Variants in DLGAP1 observed in about 807,000 individuals in gnomAD.
The protein encoded by DLGAP1 is DLG associated protein 1.
DLGAP1 carries 11 observed loss-of-function variants against 90.8 expected under a neutral mutation model. That is an observed-to-expected ratio of 0.12 (90% CI 0.08 to 0.20). The LOEUF is 0.20. Among genes scored for constraint, DLGAP1 ranks in the 10% least tolerant of loss-of-function variants. The probability of loss-of-function intolerance (pLI) is 1.00; values close to 1 mark genes in which losing one functional copy is unlikely to be tolerated. For missense variants in DLGAP1, 1,050 were observed against 1,333.8 expected (o/e 0.79, Z 3.31); for synonymous variants, 558 against 540.7 (o/e 1.03, Z -0.44).
At chr18:4,191,029 T>C (rs979997394) in intron 1 of DLGAP1, among the ~76,000 whole-genome samples, 1 of 152,112 alleles carries the variant, frequency 6.6e-6, no homozygotes, top group Non-Finnish European at 1.5e-5. Context: ...AGAGAAAGTA[T>C]CTAGAAAGAC....
intron 4 of DLGAP1, among the ~76,000 whole-genome samples, chr18:3,868,153 TC>T (rs755472675): frequency 6.6e-6 from 1 of 152,134 alleles, no homozygotes; most frequent in Non-Finnish European, 1.5e-5. Context: ...ATGGAATACT[TC>T]CAAGAGGTGG....
At chr18:4,179,445 A>C (rs2077170447) in intron 1 of DLGAP1, among the ~76,000 whole-genome samples, 1 of 152,188 alleles carries the variant, frequency 6.6e-6, no homozygotes, top group Admixed American at 6.5e-5. Flanking sequence ...TCAACATTAA[A>C]ATAGTCATGA....
intron 1 of DLGAP1, among the ~76,000 whole-genome samples, chr18:4,333,599 C>T (rs1263119087): frequency 2.7e-5 from 4 of 149,414 alleles, no homozygotes; most frequent in Non-Finnish European, 4.4e-5. Context: ...ATGAAAGGCG[C>T]TCAAGACATT....
At chr18:4,043,256 G>A (rs1267271098) in intron 2 of DLGAP1, among the ~76,000 whole-genome samples, 1 of 152,188 alleles carries the variant, frequency 6.6e-6, no homozygotes, top group Non-Finnish European at 1.5e-5. Flanking sequence ...TGCACAGCCA[G>A]TCTGGCTGGA....
At chr18:4,428,774 G>A (rs1156892619) in intron 1 of DLGAP1, among the ~76,000 whole-genome samples, 1 of 152,096 alleles carries the variant, frequency 6.6e-6, no homozygotes, top group Non-Finnish European at 1.5e-5. Context: ...AAATTACCCA[G>A]TCTCAGGTAT....
chr18:3,880,162 C>T, intron 3 of DLGAP1, 22 bp from the exon 4 acceptor site: 1 of 1,147,662 alleles, frequency 8.7e-7, no homozygotes, highest in Non-Finnish European at 1.3e-6. Flanking sequence ...AAGAAAAGGG[C>T]AAAGTCGTTA....
intron 2 of DLGAP1, among the ~76,000 whole-genome samples, chr18:4,089,235 C>T (rs1319232084): frequency 6.6e-6 from 1 of 152,112 alleles, no homozygotes; most frequent in Non-Finnish European, 1.5e-5. Flanking sequence ...CCTAGGAATA[C>T]AACTTACAAG....
intron 7 of DLGAP1, among the ~76,000 whole-genome samples, chr18:3,643,275 G>C (rs771101775): frequency 1.7e-4 from 26 of 152,004 alleles, no homozygotes; most frequent in Non-Finnish European, 3.5e-4. Context: ...AAGAAAGAAA[G>C]AGAGAAAGAA....
In DLGAP1 at chr18:3,543,899, G is replaced by A. The variant is rs146891887; in HGVS notation, c.2058-9284C>T. 2.8e-3 allele frequency among the ~76,000 whole-genome samples: 425 copies of A among 152,276 alleles called. 2 individuals are homozygous for A. Among genetic ancestry groups the A allele is most frequent in the Non-Finnish European group, 3.0e-3 (202 of 68,028 alleles). ...AGAACTGCACAGAGTGAAGGTCTGAGATCTGCACGGGTCCCAATAGCATAT... is the reference window on the plus strand; with the variant it reads ...AGAACTGCACAGAGTGAAGGTCTGAAATCTGCACGGGTCCCAATAGCATAT... On this transcript the variant is annotated intron_variant, in intron 9 of 12. Coordinates refer to ENST00000315677, the MANE Select transcript of DLGAP1 (RefSeq NM_004746.4).
At chr18:3,657,704 G>A (rs984215944) in intron 7 of DLGAP1, among the ~76,000 whole-genome samples, 2 of 150,662 alleles carry the variant, frequency 1.3e-5, no homozygotes, top group Admixed American at 6.7e-5. Flanking sequence ...CCGGGTTCAC[G>A]CCATTCTCCT....
intron 8 of DLGAP1, among the ~76,000 whole-genome samples, chr18:3,581,083 C>T (rs1312389166): frequency 6.6e-6 from 1 of 152,208 alleles, no homozygotes; most frequent in Non-Finnish European, 1.5e-5. Context: ...GGCTTGAACC[C>T]CACAGCGGCT....
chr18:4,267,885 T>A (rs1485324792), intron 1 of DLGAP1, among the ~76,000 whole-genome samples: 1 of 151,918 alleles, frequency 6.6e-6, no homozygotes, highest in Non-Finnish European at 1.5e-5. Flanking sequence ...TCCATGGGAG[T>A]GAGAGAGATT....
chr18:3,880,147 G>T lies in DLGAP1; in HGVS notation c.-72-7C>A, dbSNP rs2071116937. On this transcript the variant is annotated splice_polypyrimidine_tract_variant and splice_region_variant and intron_variant, in intron 3 of 12. Coordinates refer to ENST00000315677, the MANE Select transcript of DLGAP1 (RefSeq NM_004746.4). ...ACCCGTCTTGGGCAGGGATCTGGGG[G>T]AATGAAGAAAAGGGCAAAGTCGTTA... 2.2e-6 allele frequency: 3 copies of T among 1,370,872 alleles called. No individual in the cohort carries two copies. The highest frequency in any genetic ancestry group is 2.3e-5 in the East Asian group (1 of 42,974). The allele number at this position is 1,370,872 out of a possible 1,614,324, so 84.9% of individuals were successfully genotyped here.
intron 1 of DLGAP1, among the ~76,000 whole-genome samples, chr18:4,417,069 A>G (rs2082917069): frequency 1.3e-5 from 2 of 152,278 alleles, no homozygotes; most frequent in African/African-American, 2.4e-5. Flanking sequence ...GGGAGTCTGT[A>G]AGATCAAAAC....
intron 1 of DLGAP1, among the ~76,000 whole-genome samples, chr18:4,289,499 C>A (rs1445265658): frequency 6.6e-6 from 1 of 152,150 alleles, no homozygotes; most frequent in Non-Finnish European, 1.5e-5. Context: ...CTGACTGTGT[C>A]AACTCTTCCA....
intron 1 of DLGAP1, among the ~76,000 whole-genome samples, chr18:4,181,719 T>A (rs888412654): frequency 6.6e-6 from 1 of 152,054 alleles, no homozygotes; most frequent in Non-Finnish European, 1.5e-5. Flanking sequence ...AAGTGTCTGG[T>A]ATTTTGACAT....
intron 4 of DLGAP1, among the ~76,000 whole-genome samples, chr18:3,829,897 G>A (rs968454935): frequency 2.0e-5 from 3 of 152,280 alleles, no homozygotes; most frequent in East Asian, 1.9e-4. Flanking sequence ...ACAGGAATTC[G>A]GGTGGGCAGC....
At chr18:4,310,108 C>T (rs2080360883) in intron 1 of DLGAP1, among the ~76,000 whole-genome samples, 1 of 152,120 alleles carries the variant, frequency 6.6e-6, no homozygotes, top group Non-Finnish European at 1.5e-5. Flanking sequence ...TGTTAGAAGA[C>T]CTAGGCTCTG....
At chr18:4,242,397 C>T (rs1209459743) in intron 1 of DLGAP1, among the ~76,000 whole-genome samples, 9 of 151,970 alleles carry the variant, frequency 5.9e-5, no homozygotes, top group African/African-American at 9.7e-5. Context: ...CTAGAAAGTC[C>T]GCCCAGAATT....
Sources: allele counts gnomAD v4.1 joint callset (sites outside exome capture counted in the v4.1 genomes callset), GRCh38; gene constraint gnomAD v4.1.1; transcripts MANE v1.5; gene names NCBI Gene and HGNC (gene_info 2026-07-23, HGNC 2026-07-21).